PCDHGB7: variants seen among roughly 807,000 people sequenced by gnomAD.
PCDHGB7 encodes protocadherin gamma-B7.
A neutral mutation model predicts 61.4 loss-of-function variants in PCDHGB7; 37 were observed. The observed-to-expected ratio is 0.60, with a 90% CI of 0.46 to 0.79. The LOEUF (loss-of-function observed/expected upper bound fraction) is 0.79, where lower values mean the gene tolerates loss of function less well. PCDHGB7 is among the 30% of genes least tolerant of loss of function. PCDHGB7 has a pLI of 0.00. For synonymous variants in PCDHGB7, 464 were observed against 503.5 expected, an observed-to-expected ratio of 0.92 and a Z score of 1.05; for missense variants, 1,166 against 1,202.5, an observed-to-expected ratio of 0.97 and a Z score of 0.45.
intron 1 of PCDHGB7, among the ~76,000 whole-genome samples, chr5:141,473,057 A>G (rs2099313037): frequency 2.6e-5 from 4 of 152,056 alleles, no homozygotes; most frequent in Non-Finnish European, 5.9e-5. Flanking sequence ...AAGTGATACA[A>G]CAAGTTACAG....
intron 1 of PCDHGB7, among the ~76,000 whole-genome samples, chr5:141,469,739 A>G (rs1352751978): frequency 1.3e-5 from 2 of 152,262 alleles, no homozygotes; most frequent in African/African-American, 4.8e-5. Flanking sequence ...TACACACCTC[A>G]AAAATTACAA....
Position 141,491,763 on chromosome 5 carries a change from T to A in PCDHGB7, c.2416-3044T>A. 1 of 1,570,222 alleles carries A rather than the reference T, an allele frequency of 6.4e-7. No individual in the cohort carries two copies. The highest frequency in any genetic ancestry group is 8.6e-7 in the Non-Finnish European group (1 of 1,159,286). On this transcript the variant is annotated intron_variant, in intron 1 of 3. Transcript: ENST00000398594. This position sits in a 1 kb window ranked among gnomAD's most constrained non-coding sequence, Gnocchi z 6.9. ...GCGGCACTGGAGAAGCCGCCCGTCC[T>A]CATAAGGGATTGAACTTGCATCCAC... is the stretch of plus-strand genomic sequence containing the variant.
In PCDHGB7 at chr5:141,476,933, GA is replaced by G; in HGVS notation, c.2416-17872del. 1 of 1,614,176 alleles carries G rather than the reference GA, an allele frequency of 6.2e-7. No individual in the cohort carries two copies. Reference sequence around the variant, plus strand: ...ACAAGTCCTTGCAACGGATCTGGATGAAGGCCCCAACGGTGAAATTATTTAC... The same window carrying G: ...ACAAGTCCTTGCAACGGATCTGGATGAGGCCCCAACGGTGAAATTATTTAC... On this transcript the variant is annotated intron_variant, in intron 1 of 3. Transcript: ENST00000398594. This position sits in a 1 kb window ranked among gnomAD's most constrained non-coding sequence, Gnocchi z 7.6.
At chr5:141,428,466 A>G (rs1230267635) in intron 1 of PCDHGB7, 1 of 344,756 alleles carries the variant, frequency 2.9e-6, no homozygotes, top group Admixed American at 4.1e-5. Context: ...ACAATGAGGG[A>G]ACTTTGCTTT....
At chr5:141,434,608 C>T (rs142418557) in intron 1 of PCDHGB7, among the ~76,000 whole-genome samples, 1,532 of 152,226 alleles carry the variant, frequency 0.01, 34 homozygotes, top group African/African-American at 0.034. Flanking sequence ...CCTTTATTTC[C>T]GCCCATCTCT....
chr5:141,443,254 G>A (rs185181143), intron 1 of PCDHGB7, among the ~76,000 whole-genome samples: 30 of 152,006 alleles, frequency 2.0e-4, no homozygotes, highest in Admixed American at 1.6e-3. Context: ...GCCAAGGCGG[G>A]TGGATCACTT....
chr5:141,431,462 G>A lies in PCDHGB7; in HGVS notation c.2415+11188G>A. ...GCGCATCCGCGTGATGGTTCTGGAT[G>A]CGAACGACAACGCACCAGCGTTTGC... On this transcript the variant is annotated intron_variant, in intron 1 of 3. Transcript: ENST00000398594. This position sits in a 1 kb window ranked among gnomAD's most constrained non-coding sequence, Gnocchi z 4.8. 6.2e-7 allele frequency: 1 copy of A among 1,613,826 alleles called. No individual in the cohort carries two copies. The highest frequency in any genetic ancestry group is 2.2e-5 in the East Asian group (1 of 44,886).
chr5:141,492,043 TC>T (rs1323524482), intron 1 of PCDHGB7: 5 of 518,152 alleles, frequency 9.6e-6, no homozygotes, highest in Non-Finnish European at 1.7e-5. Context: ...CAGTCACAGA[TC>T]CACCCCTGCA....
chr5:141,432,435 C>T lies in PCDHGB7; in HGVS notation c.2415+12161C>T. 1 of 1,614,212 alleles carries T rather than the reference C, an allele frequency of 6.2e-7. No homozygotes were observed. Among genetic ancestry groups the T allele is most frequent in the Non-Finnish European group, 8.5e-7 (1 of 1,180,038 alleles). The stretch of plus-strand genomic sequence containing the variant: ...TTCGTGCTGGACCAGAACGACAATG[C>T]GCCCGAGATCCTGTACCCCGCCCTC... On this transcript the variant is annotated intron_variant, in intron 1 of 3. Transcript: ENST00000398594. This position sits in a 1 kb window ranked among gnomAD's most constrained non-coding sequence, Gnocchi z 6.0.
At chr5:141,450,297 G>A (rs1414677718) in intron 1 of PCDHGB7, among the ~76,000 whole-genome samples, 3 of 151,838 alleles carry the variant, frequency 2.0e-5, no homozygotes, top group Non-Finnish European at 4.4e-5. Context: ...ACAGGCGTGA[G>A]CCACCATGTG....
chr5:141,495,918 T>C (rs2099764622), intron 2 of PCDHGB7, among the ~76,000 whole-genome samples: 1 of 152,184 alleles, frequency 6.6e-6, no homozygotes, highest in African/African-American at 2.4e-5. Flanking sequence ...ATATCTTTCT[T>C]TGTCTCTGTC....
intron 1 of PCDHGB7, among the ~76,000 whole-genome samples, chr5:141,445,953 T>C (rs550111391): frequency 2.0e-4 from 31 of 152,308 alleles, no homozygotes; most frequent in Middle Eastern, 3.4e-3. Flanking sequence ...CTCTGGCTGC[T>C]ATATGGAGAA....
rs375516156 is a variant in PCDHGB7 at position 141,510,311 on chromosome 5, C to G, written c.2564-636C>G. Among the ~76,000 whole-genome samples, 70 of 151,056 alleles carry G rather than the reference C, an allele frequency of 4.6e-4. No homozygotes were observed. The South Asian group carries it at 0.014, about 31-fold the overall frequency. On this transcript the variant is annotated intron_variant, in intron 3 of 3. Transcript: ENST00000398594. The stretch of plus-strand genomic sequence containing the variant: ...AAAAAATGCTGTTTTGAAATGGAGG[C>G]TTGGAAGAGCACTCTTCACCCCCAC...
rs1441582051 is a variant in PCDHGB7, at chr5:141,487,416, G to A, written c.2416-7391G>A. 1 of 1,614,088 alleles carries A rather than the reference G, an allele frequency of 6.2e-7. No individual in the cohort carries two copies. Among genetic ancestry groups the A allele is most frequent in the Admixed American group, 1.7e-5 (1 of 60,024 alleles). On this transcript the variant is annotated intron_variant, in intron 1 of 3. Coordinates refer to ENST00000398594, the MANE Select transcript of PCDHGB7 (RefSeq NM_018927.4). The surrounding 1 kb of genome is among the most constrained non-coding windows in gnomAD (Gnocchi z 5.0). ...AGGGAGGGGCTTCCCCCTTCCAATGGGATCCTCCGAATCCAGCTAGGGTCA... is the reference window on the plus strand; with the variant it reads ...AGGGAGGGGCTTCCCCCTTCCAATGAGATCCTCCGAATCCAGCTAGGGTCA...
chr5:141,481,762 G>A (rs1378950651), intron 1 of PCDHGB7, among the ~76,000 whole-genome samples: 3 of 152,126 alleles, frequency 2.0e-5, no homozygotes, highest in African/African-American at 2.4e-5. Flanking sequence ...GACCAGCCTG[G>A]CCAACATGGT....
chr5:141,477,220 G>A lies in PCDHGB7; in HGVS notation c.2416-17587G>A. 24 of 1,614,190 alleles carry A rather than the reference G, an allele frequency of 1.5e-5. No individual in the cohort carries two copies. The highest frequency in any genetic ancestry group is 1.9e-5 in the Non-Finnish European group (23 of 1,180,040). ...CAGTACCCGAGGATGCCCCTCTGGG[G>A]ACTGTCATCGCTTTGCTCAGTGTGA... is the stretch of plus-strand genomic sequence containing the variant. On this transcript the variant is annotated intron_variant, in intron 1 of 3. Coordinates refer to ENST00000398594, the MANE Select transcript of PCDHGB7 (RefSeq NM_018927.4). The surrounding 1 kb of genome is among the most constrained non-coding windows in gnomAD (Gnocchi z 4.9).
chr5:141,466,206 T>C (rs2099118813), intron 1 of PCDHGB7, among the ~76,000 whole-genome samples: 1 of 152,126 alleles, frequency 6.6e-6, no homozygotes, highest in Admixed American at 6.5e-5. Flanking sequence ...AGCCTTGCTC[T>C]GTTACCCAGG....
intron 1 of PCDHGB7, chr5:141,478,582 G>T: frequency 1.3e-6 from 2 of 1,579,988 alleles, no homozygotes; most frequent in Non-Finnish European, 1.7e-6. Context: ...CCCTGTTAGT[G>T]CTTTTTTATT....
chr5:141,498,971 G>GGGAA (rs201769957), intron 2 of PCDHGB7, among the ~76,000 whole-genome samples: 8,226 of 110,874 alleles, frequency 0.074, 335 homozygotes, highest in Middle Eastern at 0.11. Flanking sequence ...GAGGGAGGGA[G>GGGAA]GGAAGGAAGG....
Sources: gnomAD v4.1 joint callset for allele counts (sites outside exome capture counted in the v4.1 genomes callset) on GRCh38, gnomAD v4.1.1 for gene constraint, Gnocchi (gnomAD v3.1) non-coding constraint, MANE v1.5 for transcripts, NCBI Gene and HGNC (gene_info 2026-07-23, HGNC 2026-07-21) for gene names.